The following SMURF1 variants were observed in gnomAD, a reference collection of about 807,000 sequenced individuals.
The protein encoded by SMURF1 is E3 ubiquitin-protein ligase SMURF1.
Under a neutral mutation model 98.0 loss-of-function variants are expected in SMURF1, and 44 were observed. The observed-to-expected ratio is 0.45, with a 90% CI of 0.35 to 0.58. SMURF1 has a LOEUF of 0.58. Among genes scored for constraint, SMURF1 ranks in the 20% least tolerant of loss-of-function variants. The pLI, the probability that SMURF1 is intolerant of heterozygous loss-of-function variation, is 0.00. For missense variants in SMURF1, 687 were observed against 938.4 expected, an observed-to-expected ratio of 0.73 and a Z score of 3.50; for synonymous variants, 396 against 374.9, an observed-to-expected ratio of 1.06 and a Z score of -0.65.
intron 1 of SMURF1, among the ~76,000 whole-genome samples, chr7:99,066,305 TC>T (rs1275076845): frequency 6.6e-6 from 1 of 152,072 alleles, no homozygotes; most frequent in Non-Finnish European, 1.5e-5. Context: ...AGCCACCAAT[TC>T]TGGGCCCTGG....
At chr7:99,052,479 C>T in intron 6 of SMURF1, 33 bp from the exon 7 acceptor site, 3 of 1,486,596 alleles carry the variant, frequency 2.0e-6, no homozygotes, top group Non-Finnish European at 2.7e-6. Context: ...GGCATGGTGT[C>T]ACCATGGAGG....
chr7:99,071,312 G>A (rs965876491), intron 1 of SMURF1, among the ~76,000 whole-genome samples: 1 of 152,070 alleles, frequency 6.6e-6, no homozygotes, highest in East Asian at 1.9e-4. Flanking sequence ...CACCCGCCTC[G>A]GCCTCACAAA....
chr7:99,119,146 T>G (rs968059383), intron 1 of SMURF1, among the ~76,000 whole-genome samples: 1 of 151,274 alleles, frequency 6.6e-6, no homozygotes, highest in Non-Finnish European at 1.5e-5. Context: ...ATAGTGTGCT[T>G]CTTCTTAAAG....
chr7:99,094,739 C>T (rs1335016009), intron 1 of SMURF1, among the ~76,000 whole-genome samples: 4 of 151,946 alleles, frequency 2.6e-5, no homozygotes, highest in Non-Finnish European at 4.4e-5. Flanking sequence ...CCTATAATGA[C>T]ATTAAATCAT....
At chr7:99,056,738 C>T (rs1368695180) in intron 5 of SMURF1, among the ~76,000 whole-genome samples, 1 of 152,156 alleles carries the variant, frequency 6.6e-6, no homozygotes, top group African/African-American at 2.4e-5. Flanking sequence ...CATGGTGGCT[C>T]ACGCCTGTAA....
intron 1 of SMURF1, among the ~76,000 whole-genome samples, chr7:99,134,004 G>A (rs995175405): frequency 2.0e-5 from 3 of 151,940 alleles, no homozygotes; most frequent in Non-Finnish European, 2.9e-5. Context: ...GGTAGAAAGT[G>A]AGAATGAGCT....
chr7:99,099,892 G>A (rs773881319), intron 1 of SMURF1, among the ~76,000 whole-genome samples: 4 of 152,098 alleles, frequency 2.6e-5, no homozygotes, highest in Non-Finnish European at 5.9e-5. Context: ...CCAACCCCCA[G>A]AATCATGTGC....
At chr7:99,132,609 T>C (rs1455951892) in intron 1 of SMURF1, among the ~76,000 whole-genome samples, 1 of 151,578 alleles carries the variant, frequency 6.6e-6, no homozygotes, top group Non-Finnish European at 1.5e-5. Context: ...CCTGAGGTGA[T>C]GATATTTATT....
chr7:99,132,577 A>G (rs193166181), intron 1 of SMURF1, among the ~76,000 whole-genome samples: 8 of 152,258 alleles, frequency 5.3e-5, no homozygotes, highest in Non-Finnish European at 7.4e-5. Context: ...GGGACTATGA[A>G]GGGATGGTCA....
chr7:99,134,746 T>C (rs987354566), intron 1 of SMURF1, among the ~76,000 whole-genome samples: 2 of 152,188 alleles, frequency 1.3e-5, no homozygotes, highest in African/African-American at 4.8e-5. Context: ...GATTATTTTA[T>C]AAAAATAGGT....
intron 3 of SMURF1, among the ~76,000 whole-genome samples, chr7:99,059,125 C>T (rs960967095): frequency 4.0e-5 from 6 of 149,084 alleles, no homozygotes; most frequent in South Asian, 4.3e-4. Context: ...ATAGGCCGGG[C>T]GCGGTGGCTC....
In SMURF1 at chr7:99,143,877, G is replaced by A. The variant is rs1177203261; in HGVS notation, c.-97C>T. On this transcript the variant is annotated 5_prime_UTR_variant, in exon 1 of 18. Transcript: ENST00000361368. ...GCCGCCGCCTCAAGGTTACGGCTCC[G>A]GGCTGGGCGCCGGGGTCCGAGCCGG... 8 of 1,147,108 alleles carry A rather than the reference G, an allele frequency of 7.0e-6. No individual in the cohort carries two copies. The African/African-American group carries it at 1.2e-4, about 17-fold the overall frequency. 71.1% of individuals were successfully genotyped at this position (1,147,108 alleles called of 1,614,324 possible).
chr7:99,069,391 CT>C (rs1170812541), intron 1 of SMURF1, among the ~76,000 whole-genome samples: 1 of 152,206 alleles, frequency 6.6e-6, no homozygotes. Context: ...CAGCGTTTCG[CT>C]CTGTCACCCA....
intron 17 of SMURF1, chr7:99,030,913 T>G (rs1794853402): frequency 2.4e-6 from 1 of 414,058 alleles, no homozygotes; most frequent in African/African-American, 2.0e-5. Context: ...TTGCCCAGGC[T>G]GCTCTCAAAC....
chr7:99,049,104 AAAAG>A, intron 9 of SMURF1: 2 of 155,702 alleles, frequency 1.3e-5, no homozygotes, highest in Middle Eastern at 3.3e-3. Flanking sequence ...AAAAAAAAAA[AAAAG>A]AGCTATGTGG....
Position 99,047,721 on chromosome 7 carries a change from T to G in SMURF1, c.1115A>C (p.His372Pro). 2 of 1,614,242 alleles carry G rather than the reference T, an allele frequency of 1.2e-6. No homozygotes were observed. Among genetic ancestry groups the G allele is most frequent in the Non-Finnish European group, 1.7e-6 (2 of 1,180,046 alleles). ...TTCTCTGGACACTTCGATGCGGCAATGACCAGCTTGGGGCTGCTGAAGCGA... is the reference window on the plus strand; with the variant it reads ...TTCTCTGGACACTTCGATGCGGCAAGGACCAGCTTGGGGCTGCTGAAGCGA... ...ELSLQQPQAG[H>P]CRIEVSREEI... is the part of the protein sequence containing the mutation. The change falls in exon 10 of 18, where the codon CAT becomes CCT. Residue 372 changes from histidine (H) to proline (P), a missense_variant. By Grantham distance (77) the His-to-Pro change is moderately conservative. Coordinates refer to ENST00000361368, the MANE Select transcript of SMURF1 (RefSeq NM_181349.3).
Position 99,057,198 on chromosome 7 carries a change from T to C in SMURF1, c.403+7A>G. Reference sequence around the variant, plus strand: ...GCATCTCTTTACACAGACAAGAAAGTTCTTACCCACTATCTGGCCACGAAC... The same window carrying C: ...GCATCTCTTTACACAGACAAGAAAGCTCTTACCCACTATCTGGCCACGAAC... On this transcript the variant is annotated splice_region_variant and intron_variant, in intron 5 of 17. Transcript: ENST00000361368. 3 of 1,613,824 alleles carry C rather than the reference T, an allele frequency of 1.9e-6. No individual in the cohort carries two copies. In the South Asian group the frequency reaches 3.3e-5, roughly 18 times the overall value.
At chr7:99,069,444 G>C (rs554757464) in intron 1 of SMURF1, among the ~76,000 whole-genome samples, 5 of 152,138 alleles carry the variant, frequency 3.3e-5, no homozygotes, top group Admixed American at 6.5e-5. Context: ...CTGCAGTCTC[G>C]AACTCCTGGG....
chr7:99,035,429 A>G, intron 16 of SMURF1, 86 bp downstream of exon 16: 1 of 1,488,512 alleles, frequency 6.7e-7, no homozygotes, highest in Non-Finnish European at 9.2e-7. Context: ...CACATCTCAG[A>G]AAAACATCCC....
Sources: allele counts gnomAD v4.1 joint callset (sites outside exome capture counted in the v4.1 genomes callset), GRCh38; gene constraint gnomAD v4.1.1; transcripts MANE v1.5; gene names NCBI Gene and HGNC (gene_info 2026-07-23, HGNC 2026-07-21).